SGCZ: variants seen among roughly 807,000 people sequenced by gnomAD.
SGCZ encodes the protein sarcoglycan zeta, also known as zeta-sarcoglycan.
In SGCZ, 40 loss-of-function variants were observed where a neutral mutation model predicts 41.3. That is an observed-to-expected ratio of 0.97 (90% CI 0.75 to 1.26). The LOEUF (loss-of-function observed/expected upper bound fraction) is 1.26. Ranked by LOEUF, SGCZ falls within the 50% of genes most tolerant of loss-of-function variation. The pLI is 0.00. For synonymous variants in SGCZ, 206 were observed against 137.5 expected, an observed-to-expected ratio of 1.50 and a Z score of -3.49; for missense variants, 552 against 369.8, an observed-to-expected ratio of 1.49 and a Z score of -4.04.
chr8:15,080,193 G>A (rs953041015), intron 1 of SGCZ, among the ~76,000 whole-genome samples: 6 of 152,112 alleles, frequency 3.9e-5, no homozygotes, highest in African/African-American at 1.4e-4. Flanking sequence ...GATATTCAGT[G>A]AAATTTTTTA....
chr8:14,371,221 T>A (rs1803898343), intron 2 of SGCZ, among the ~76,000 whole-genome samples: 1 of 151,968 alleles, frequency 6.6e-6, no homozygotes, highest in African/African-American at 2.4e-5. Flanking sequence ...CAAAAAAGCT[T>A]ATAATTTGCC....
intron 1 of SGCZ, among the ~76,000 whole-genome samples, chr8:14,699,384 T>C (rs1433231508): frequency 6.6e-6 from 1 of 151,748 alleles, no homozygotes; most frequent in Non-Finnish European, 1.5e-5. Flanking sequence ...CTATATTCAA[T>C]AAGTGGTGCT....
intron 1 of SGCZ, among the ~76,000 whole-genome samples, chr8:14,583,425 G>C (rs1009494454): frequency 6.6e-6 from 1 of 152,156 alleles, no homozygotes; most frequent in East Asian, 1.9e-4. Context: ...AGATGAGTAG[G>C]TTGCGAAACT....
chr8:15,110,946 C>CA (rs773059952), intron 1 of SGCZ, among the ~76,000 whole-genome samples: 100 of 150,568 alleles, frequency 6.6e-4, no homozygotes, highest in Non-Finnish European at 1.3e-3. Flanking sequence ...CCAGTCTGGG[C>CA]AAAAAAAAGT....
intron 1 of SGCZ, among the ~76,000 whole-genome samples, chr8:15,151,925 T>C (rs903116126): frequency 6.6e-6 from 1 of 152,100 alleles, no homozygotes; most frequent in African/African-American, 2.4e-5. Context: ...GTAAACCACA[T>C]ACACTAAGGG....
chr8:14,876,989 T>A (rs1240893060), intron 1 of SGCZ, among the ~76,000 whole-genome samples: 2 of 152,160 alleles, frequency 1.3e-5, no homozygotes, highest in Non-Finnish European at 2.9e-5. Flanking sequence ...TATTTTTTTA[T>A]TTTGAGACAG....
chr8:14,104,917 A>C (rs1286716562), intron 6 of SGCZ, among the ~76,000 whole-genome samples: 2 of 152,130 alleles, frequency 1.3e-5, no homozygotes, highest in Non-Finnish European at 2.9e-5. Context: ...TTATTTTCTT[A>C]TTCAGTAGTT....
intron 2 of SGCZ, among the ~76,000 whole-genome samples, chr8:14,420,766 C>T (rs1041094588): frequency 6.6e-6 from 1 of 152,062 alleles, no homozygotes; most frequent in African/African-American, 2.4e-5. Flanking sequence ...TGTGCCAGGT[C>T]ATTACAGTAT....
rs1402422898 is a variant in SGCZ at position 14,355,811 on chromosome 8, TA to T, written c.235-31608del. Among the ~76,000 whole-genome samples, 5 of 151,958 alleles carry T rather than the reference TA, an allele frequency of 3.3e-5. No individual in the cohort carries two copies. The East Asian group carries it at 7.7e-4, about 24-fold the overall frequency. On this transcript the variant is annotated intron_variant, in intron 2 of 7. Coordinates refer to ENST00000382080, the MANE Select transcript of SGCZ (RefSeq NM_139167.4). ...GAAATAGGCATATTAAATACAAGAA[TA>T]AAAAAACAGCAAATTCCCTGGTCTA...
At chr8:14,354,235 A>G (rs1322186468) in intron 2 of SGCZ, among the ~76,000 whole-genome samples, 1 of 152,036 alleles carries the variant, frequency 6.6e-6, no homozygotes, top group Non-Finnish European at 1.5e-5. Flanking sequence ...TAAAGAAAAC[A>G]TTTAATAAAT....
chr8:14,480,799 TAA>T (rs530515350), intron 2 of SGCZ, among the ~76,000 whole-genome samples: 13 of 152,198 alleles, frequency 8.5e-5, no homozygotes, highest in South Asian at 2.1e-4. Context: ...TCAAAACTGT[TAA>T]AGTTTCAAAG....
intron 1 of SGCZ, among the ~76,000 whole-genome samples, chr8:15,072,455 A>T (rs1805391195): frequency 6.6e-6 from 1 of 152,108 alleles, no homozygotes; most frequent in Non-Finnish European, 1.5e-5. Context: ...TGGTTAAAGC[A>T]TTTTTTCTAC....
chr8:14,284,600 A>C (rs1452113999), intron 3 of SGCZ, among the ~76,000 whole-genome samples: 3 of 152,178 alleles, frequency 2.0e-5, no homozygotes, highest in African/African-American at 7.2e-5. Context: ...AATTCAATTT[A>C]CATTTAATAT....
chr8:14,281,454 A>AT (rs1476564063), intron 3 of SGCZ, among the ~76,000 whole-genome samples: 1 of 103,484 alleles, frequency 9.7e-6, no homozygotes, highest in Non-Finnish European at 2.7e-5. Flanking sequence ...GTGATTCTTA[A>AT]TTTTTTTATA....
rs183067731 is a variant in SGCZ, at chr8:14,325,527, T to C, written c.235-1323A>G. ...ATCATAATCATATATAATAGATATATAATCAAAATCATATATAATAGATTA... is the reference window on the plus strand; with the variant it reads ...ATCATAATCATATATAATAGATATACAATCAAAATCATATATAATAGATTA... On this transcript the variant is annotated intron_variant, in intron 2 of 7. Transcript: ENST00000382080. 9.7e-4 allele frequency among the ~76,000 whole-genome samples: 143 copies of C among 147,212 alleles called. 2 individuals carry two copies. Among genetic ancestry groups the C allele is most frequent in the African/African-American group, 2.4e-3 (96 of 40,670 alleles).
At chr8:14,396,115 T>C (rs1399553344) in intron 2 of SGCZ, among the ~76,000 whole-genome samples, 1 of 152,186 alleles carries the variant, frequency 6.6e-6, no homozygotes, top group East Asian at 1.9e-4. Context: ...AGCTCTGCCA[T>C]CTCATGTTCT....
At chr8:14,429,311 G>A (rs974774509) in intron 2 of SGCZ, among the ~76,000 whole-genome samples, 1 of 152,214 alleles carries the variant, frequency 6.6e-6, no homozygotes, top group African/African-American at 2.4e-5. Flanking sequence ...AGAAGGTGAG[G>A]TTTGGTCAAA....
intron 2 of SGCZ, among the ~76,000 whole-genome samples, chr8:14,496,158 T>C (rs1200984094): frequency 2.6e-5 from 4 of 152,120 alleles, no homozygotes; most frequent in African/African-American, 4.8e-5. Flanking sequence ...CTCAAACTCT[T>C]GGCCTCAGGC....
intron 2 of SGCZ, among the ~76,000 whole-genome samples, chr8:14,348,867 A>T (rs1372554536): frequency 6.6e-6 from 1 of 152,162 alleles, no homozygotes. Flanking sequence ...AAAACTCTTC[A>T]TTTAATTTTT....
Sources: allele counts gnomAD v4.1 joint callset (sites outside exome capture counted in the v4.1 genomes callset), GRCh38; gene constraint gnomAD v4.1.1; transcripts MANE v1.5; gene names NCBI Gene and HGNC (gene_info 2026-07-23, HGNC 2026-07-21).